PIR: variants seen among roughly 807,000 people sequenced by gnomAD.
PIR encodes the protein pirin (iron-binding nuclear protein).
A neutral mutation model predicts 24.2 loss-of-function variants in PIR; 22 were observed. The ratio of observed to expected loss-of-function variants is 0.91; its 90% CI spans 0.65 to 1.30. The LOEUF (loss-of-function observed/expected upper bound fraction) is 1.30. Ranked by LOEUF, PIR falls within the 50% of genes most tolerant of loss-of-function variation. PIR has a pLI of 0.00. For synonymous variants in PIR, 80 were observed against 79.6 expected (o/e 1.00, Z -0.03); for missense variants, 220 against 220.3 (o/e 1.00, Z 0.01).
chrX:15,491,084 CT>C, intron 2 of PIR, 77 bp downstream of exon 2: 1 of 716,513 alleles, frequency 1.4e-6, no homozygotes, highest in Non-Finnish European at 2.2e-6. Context: ...TCTTGGCCCC[CT>C]CTTCCCAAAA....
rs777146319 is a variant in PIR at position 15,462,618 on chromosome X, G to A, written c.190-2878C>T. Among the ~76,000 whole-genome samples the A allele has an allele frequency of 6.3e-5, 7 of 111,862 alleles. No homozygotes were observed. In the South Asian group the frequency reaches 1.8e-3, roughly 29 times the overall value. ...AAGTCAAAGCCAGATTGTTTTTGTC[G>A]TCTATGTTTTTGCTTTATCCTAAGG... On this transcript the variant is annotated intron_variant, in intron 3 of 9. Coordinates refer to ENST00000380420, the MANE Select transcript of PIR (RefSeq NM_001018109.3).
intron 1 of PIR, among the ~76,000 whole-genome samples, chrX:15,492,020 C>T (rs1405508762): frequency 9.1e-6 from 1 of 109,341 alleles, no homozygotes; most frequent in Non-Finnish European, 1.9e-5. Flanking sequence ...TGAATTCTCT[C>T]GATCTCCCAC....
intron 7 of PIR, among the ~76,000 whole-genome samples, chrX:15,405,489 A>C (rs1924525985): frequency 1.8e-5 from 2 of 112,395 alleles, no homozygotes; most frequent in Non-Finnish European, 3.8e-5. Context: ...TTTTACAGAA[A>C]GTTTGCTTCT....
At chrX:15,431,619 CA>C (rs1472176108) in intron 5 of PIR, among the ~76,000 whole-genome samples, 2 of 105,326 alleles carry the variant, frequency 1.9e-5, no homozygotes, top group Non-Finnish European at 3.9e-5. Context: ...TTGTCACAAA[CA>C]TAGAATGGAA....
intron 8 of PIR, among the ~76,000 whole-genome samples, chrX:15,395,892 G>A (rs1924116692): frequency 8.9e-6 from 1 of 112,050 alleles, no homozygotes; most frequent in Admixed American, 9.4e-5. Context: ...ACAGAACGAT[G>A]CCACTGGAGC....
rs764572854 is a variant in PIR at position 15,387,073 on chromosome X, C to CTTTT, written c.761-1961_761-1958dup. ...TTTTGTTTTGTTTTTCTTTTCTTTT[C>CTTTT]TTTTTTTTTTTTTTTTTTTTTTTTT... is the stretch of plus-strand genomic sequence containing the variant. On this transcript the variant is annotated intron_variant, in intron 9 of 9. Transcript: ENST00000380420. Among the ~76,000 whole-genome samples the CTTTT allele has an allele frequency of 8.6e-3, 109 of 12,642 alleles. 3 individuals are homozygous for CTTTT. Among genetic ancestry groups the CTTTT allele is most frequent in the Non-Finnish European group, 0.013 (89 of 6,631 alleles). 11.0% of individuals were successfully genotyped at this position (12,642 alleles called of 115,157 possible).
intron 9 of PIR, among the ~76,000 whole-genome samples, chrX:15,385,596 T>C (rs758707109): frequency 1.8e-5 from 2 of 112,239 alleles, no homozygotes; most frequent in South Asian, 7.5e-4. Flanking sequence ...CAGCACCTAT[T>C]GACAATAAAC....
Position 15,395,308 on chromosome X carries a change from C to T in PIR, c.693+2141G>A, listed in dbSNP as rs1454558022. 3.6e-5 allele frequency among the ~76,000 whole-genome samples: 4 copies of T among 111,875 alleles called. No individual in the cohort carries two copies. In the South Asian group the frequency reaches 1.5e-3, roughly 42 times the overall value. On this transcript the variant is annotated intron_variant, in intron 8 of 9. Coordinates refer to ENST00000380420, the MANE Select transcript of PIR (RefSeq NM_001018109.3). ...TTAGATATTTGGATTCATAAACTTT[C>T]CAGTTACCATTATTGAGCATCTACA...
chrX:15,474,943 G>T (rs913912091), intron 3 of PIR, among the ~76,000 whole-genome samples: 1 of 111,628 alleles, frequency 9.0e-6, no homozygotes, highest in Non-Finnish European at 1.9e-5. Context: ...ATATCTCAGT[G>T]TTAAATATAA....
At chrX:15,435,224 GAAAGA>G (rs1455233046) in intron 5 of PIR, among the ~76,000 whole-genome samples, 36 of 103,993 alleles carry the variant, frequency 3.5e-4, no homozygotes, top group African/African-American at 1.0e-3. Flanking sequence ...GAAAAGAAAA[GAAAGA>G]AAAGAAAAGA....
At position 15,479,777 on chromosome X, in the gene PIR, T is replaced by G. The variant is rs144769669; in HGVS notation, c.141A>C (p.Gly47=). Residue 47 remains glycine, a synonymous_variant, in exon 3 of 10, where the codon GGA becomes GGC. Transcript: ENST00000380420. ...DPFLLFDEFK[G]GRPGGFPDHP... ...GATCAGGAAATCCTCCTGGTCTACC[T>G]CCTTTAAATTCATCAAACAGTAAAA... 3 of 1,178,687 alleles carry G rather than the reference T, an allele frequency of 2.5e-6. No homozygotes were observed. The highest frequency in any genetic ancestry group is 3.4e-6 in the Non-Finnish European group (3 of 872,433).
intron 4 of PIR, among the ~76,000 whole-genome samples, chrX:15,456,451 T>G (rs921169628): frequency 6.2e-5 from 7 of 112,528 alleles, no homozygotes; most frequent in Non-Finnish European, 1.1e-4. Context: ...GCAATGCAGT[T>G]ACTACAGAGG....
intron 6 of PIR, among the ~76,000 whole-genome samples, chrX:15,417,635 A>G (rs1282324144): frequency 8.9e-6 from 1 of 111,739 alleles, no homozygotes; most frequent in African/African-American, 3.3e-5. Context: ...AATGAGCCTC[A>G]TAGGTCTAAA....
intron 8 of PIR, among the ~76,000 whole-genome samples, chrX:15,397,051 T>C (rs3829991): frequency 0.49 from 54,889 of 111,509 alleles, 10,018 homozygotes; most frequent in Non-Finnish European, 0.58. Flanking sequence ...AGGTGGGGAT[T>C]CTTTTCAAAG....
At chrX:15,403,735 C>G (rs1194582040) in intron 7 of PIR, among the ~76,000 whole-genome samples, 1 of 111,353 alleles carries the variant, frequency 9.0e-6, no homozygotes, top group African/African-American at 3.3e-5. Flanking sequence ...GTTTAGAAGG[C>G]TCTTCATTGT....
intron 5 of PIR, among the ~76,000 whole-genome samples, chrX:15,427,670 T>C (rs1385084371): frequency 9.2e-6 from 1 of 108,781 alleles, no homozygotes; most frequent in Non-Finnish European, 1.9e-5. Flanking sequence ...AAGATATATA[T>C]GAATATATGT....
chrX:15,459,598 T>A lies in PIR; in HGVS notation c.273+59A>T, dbSNP rs1921214216. 4.5e-6 allele frequency: 3 copies of A among 661,542 alleles called. No individual in the cohort carries two copies. The Admixed American group carries it at 6.7e-5, about 15-fold the overall frequency. 54.5% of individuals were successfully genotyped at this position (661,542 alleles called of 1,213,427 possible). Reference sequence around the variant, plus strand: ...GTGAATGTACTGGAAGTGGGCAGGATCAAGCACGTGCACCCAAAAACTACT... The same window carrying A: ...GTGAATGTACTGGAAGTGGGCAGGAACAAGCACGTGCACCCAAAAACTACT... On this transcript the variant is annotated intron_variant, in intron 4 of 9. Transcript: ENST00000380420.
intron 4 of PIR, 31 bp from the exon 5 acceptor site, chrX:15,456,085 G>A (rs773431591): frequency 8.9e-7 from 1 of 1,125,330 alleles, no homozygotes; most frequent in South Asian, 1.8e-5. Context: ...AGAGGGAAAT[G>A]TAACCAAGCT....
chrX:15,475,650 G>A (rs975727372), intron 3 of PIR, among the ~76,000 whole-genome samples: 6 of 111,605 alleles, frequency 5.4e-5, no homozygotes, highest in Non-Finnish European at 5.7e-5. Flanking sequence ...CTCCTTTTTC[G>A]AGCTAAACTT....
Sources: gnomAD v4.1 joint callset for allele counts (sites outside exome capture counted in the v4.1 genomes callset) on GRCh38, gnomAD v4.1.1 for gene constraint, MANE v1.5 for transcripts, NCBI Gene and HGNC (gene_info 2026-07-23, HGNC 2026-07-21) for gene names.